Variants in CDK8 observed in about 807,000 individuals in gnomAD.
CDK8 encodes the protein cyclin-dependent kinase 8.
In CDK8, 29 loss-of-function variants were observed where a neutral mutation model predicts 71.5. The observed-to-expected ratio is 0.41, with a 90% CI of 0.30 to 0.55. CDK8 has a LOEUF of 0.55. Among genes scored for constraint, CDK8 ranks in the 20% least tolerant of loss-of-function variants. The pLI, the probability that CDK8 is intolerant of heterozygous loss-of-function variation, is 0.37. For missense variants in CDK8, 288 were observed against 572.6 expected, an observed-to-expected ratio of 0.50 and a Z score of 5.07; for synonymous variants, 161 against 192.1, an observed-to-expected ratio of 0.84 and a Z score of 1.34.
intron 3 of CDK8, 40 bp from the exon 4 acceptor site, chr13:26,353,700 T>G: frequency 6.7e-7 from 1 of 1,486,462 alleles, no homozygotes; most frequent in Non-Finnish European, 9.1e-7. Context: ...TATCTTTTCC[T>G]TTTTTTAAGC....
In CDK8 at chr13:26,279,462, G is replaced by GA. The variant is rs372158869; in HGVS notation, c.128+24704dup. 3.8e-4 allele frequency among the ~76,000 whole-genome samples: 55 copies of GA among 144,416 alleles called. No homozygotes were observed. In the East Asian group the frequency reaches 6.2e-3, roughly 16 times the overall value. 94.7% of individuals were successfully genotyped at this position (144,416 alleles called of 152,430 possible). A position where few individuals can be genotyped will look rare whatever the true frequency, so the allele number is the denominator to read the frequency against. ...TTTTGCCTTTCATGGGGTGCAGTAA[G>GA]AAAAAAAAAAATCACCGGTATAGTT... On this transcript the variant is annotated intron_variant, in intron 1 of 12. Coordinates refer to ENST00000381527, the MANE Select transcript of CDK8 (RefSeq NM_001260.3).
At chr13:26,356,168 C>T (rs1335283436) in intron 4 of CDK8, among the ~76,000 whole-genome samples, 1 of 152,042 alleles carries the variant, frequency 6.6e-6, no homozygotes, top group Non-Finnish European at 1.5e-5. Context: ...CTAATATAGG[C>T]AACAAGGGAT....
intron 1 of CDK8, among the ~76,000 whole-genome samples, chr13:26,289,051 G>GTTTTTTTTTTTTTTTTTT (rs5802371): frequency 5.3e-5 from 3 of 56,232 alleles, no homozygotes; most frequent in South Asian, 8.6e-4. Context: ...AGCTTCTGTA[G>GTTTTTTTTTTTTTTTTTT]TTTTTTTTTT....
intron 1 of CDK8, among the ~76,000 whole-genome samples, chr13:26,291,565 A>G (rs923245068): frequency 6.6e-6 from 1 of 152,092 alleles, no homozygotes; most frequent in Non-Finnish European, 1.5e-5. Flanking sequence ...AAAAACAGCA[A>G]CTCTGGGCCC....
intron 12 of CDK8, 140 bp from the exon 13 acceptor site, chr13:26,403,816 C>T: frequency 9.8e-7 from 1 of 1,021,948 alleles, no homozygotes; most frequent in Admixed American, 2.3e-5. Context: ...GGGTTTTTGT[C>T]TTTAATTATA....
chr13:26,388,396 G>C (rs1875581795), intron 6 of CDK8, among the ~76,000 whole-genome samples: 3 of 152,236 alleles, frequency 2.0e-5, no homozygotes, highest in African/African-American at 7.2e-5. Flanking sequence ...TATCTTCTTT[G>C]CAAGTGTACT....
intron 1 of CDK8, among the ~76,000 whole-genome samples, chr13:26,255,706 A>G (rs1871494610): frequency 6.6e-6 from 1 of 152,190 alleles, no homozygotes; most frequent in African/African-American, 2.4e-5. Flanking sequence ...GTTGCCTTTG[A>G]CAGAATAGAA....
At chr13:26,276,082 C>T (rs1399759064) in intron 1 of CDK8, among the ~76,000 whole-genome samples, 3 of 152,088 alleles carry the variant, frequency 2.0e-5, no homozygotes, top group African/African-American at 7.2e-5. Flanking sequence ...AGGATGGTCT[C>T]GATCTCTTGA....
chr13:26,316,741 A>G (rs1874529752), intron 1 of CDK8, among the ~76,000 whole-genome samples: 1 of 152,210 alleles, frequency 6.6e-6, no homozygotes, highest in Admixed American at 6.5e-5. Flanking sequence ...TTCTAGAGTT[A>G]CTACATTATT....
intron 12 of CDK8, among the ~76,000 whole-genome samples, chr13:26,403,188 A>G (rs1163263418): frequency 6.6e-6 from 1 of 152,178 alleles, no homozygotes; most frequent in African/African-American, 2.4e-5. Flanking sequence ...ACTTTTGTAT[A>G]TAAACTTGTA....
rs1555231154 is a variant in CDK8 at position 26,339,756 on chromosome 13, A to AAATATAT, written c.204+2115_204+2116insATATATA. 1.7e-3 allele frequency among the ~76,000 whole-genome samples: 246 copies of AAATATAT among 142,982 alleles called. 1 individual carries two copies. Among genetic ancestry groups the AAATATAT allele is most frequent in the African/African-American group, 5.8e-3 (226 of 39,206 alleles). The allele number at this position is 142,982 out of a possible 152,430, so 93.8% of individuals were successfully genotyped here. The stretch of plus-strand genomic sequence containing the variant: ...TATTTATATAATTACTTAAAAAAAA[A>AAATATAT]ATATATATATATATATAGTGTAGTA... On this transcript the variant is annotated intron_variant, in intron 2 of 12. Coordinates refer to ENST00000381527, the MANE Select transcript of CDK8 (RefSeq NM_001260.3).
chr13:26,362,264 ATG>A (rs1565986182), intron 4 of CDK8, among the ~76,000 whole-genome samples: 157 of 150,166 alleles, frequency 1.0e-3, no homozygotes, highest in African/African-American at 3.8e-3. Context: ...GGATGGATGG[ATG>A]GATAGATAGA....
intron 1 of CDK8, among the ~76,000 whole-genome samples, chr13:26,304,553 A>G (rs1478296696): frequency 6.6e-6 from 1 of 151,894 alleles, no homozygotes; most frequent in Non-Finnish European, 1.5e-5. Context: ...TTTTAAACTT[A>G]CCTGTGACTA....
chr13:26,374,077 T>A (rs938036346), intron 4 of CDK8, among the ~76,000 whole-genome samples: 37 of 150,088 alleles, frequency 2.5e-4, no homozygotes, highest in African/African-American at 8.8e-4. Flanking sequence ...GGTGGGTGCC[T>A]GTAGTCCCAG....
chr13:26,382,952 T>C (rs1282846310), intron 5 of CDK8, 81 bp downstream of exon 5: 3 of 815,474 alleles, frequency 3.7e-6, no homozygotes, highest in Middle Eastern at 2.7e-4. Flanking sequence ...TAATTTTTGC[T>C]ATAATATGCA....
intron 1 of CDK8, among the ~76,000 whole-genome samples, chr13:26,329,107 C>T (rs878917126): frequency 6.6e-6 from 1 of 152,156 alleles, no homozygotes; most frequent in Non-Finnish European, 1.5e-5. Flanking sequence ...TCTTCAGTCT[C>T]AGTTTTTATA....
At chr13:26,345,293 C>T (rs1873415905) in intron 2 of CDK8, among the ~76,000 whole-genome samples, 1 of 152,158 alleles carries the variant, frequency 6.6e-6, no homozygotes. Flanking sequence ...GTTACTTACC[C>T]AGAATGAAGT....
At chr13:26,270,565 C>T (rs1248337639) in intron 1 of CDK8, among the ~76,000 whole-genome samples, 1 of 152,206 alleles carries the variant, frequency 6.6e-6, no homozygotes, top group African/African-American at 2.4e-5. Context: ...CAGTCCTAGA[C>T]ATCCAGGAAT....
intron 1 of CDK8, among the ~76,000 whole-genome samples, chr13:26,287,785 G>A (rs1298225965): frequency 6.6e-6 from 1 of 151,988 alleles, no homozygotes; most frequent in Non-Finnish European, 1.5e-5. Context: ...GAAGTCAAAA[G>A]TAATAATACC....
Sources: allele counts gnomAD v4.1 joint callset (sites outside exome capture counted in the v4.1 genomes callset), GRCh38; gene constraint gnomAD v4.1.1; transcripts MANE v1.5; gene names NCBI Gene and HGNC (gene_info 2026-07-23, HGNC 2026-07-21).